PALD1: variants seen among roughly 807,000 people sequenced by gnomAD.
PALD1 encodes paladin.
Under a neutral mutation model 96.0 loss-of-function variants are expected in PALD1, and 57 were observed. The observed-to-expected ratio is 0.59, with a 90% CI of 0.48 to 0.74. PALD1 has a LOEUF of 0.74. Ranked by LOEUF, PALD1 falls within the 30% of genes least tolerant of loss-of-function variation. The pLI is 0.00. For synonymous variants in PALD1, 464 were observed against 473.6 expected (o/e 0.98, Z 0.26); for missense variants, 1,063 against 1,143.7 (o/e 0.93, Z 1.02).
rs1846436649 is a variant in PALD1 at position 70,508,378 on chromosome 10, G to C, written c.-29-17545G>C. 2.0e-5 allele frequency among the ~76,000 whole-genome samples: 3 copies of C among 152,196 alleles called. 1 individual carries two copies. The highest frequency in any genetic ancestry group is 4.1e-4 in the South Asian group (2 of 4,832). ...ATGGTGCCCATTCTAGGGACTGTGA[G>C]GAGGTGCACTGGCTGGAGTTTAGGG... On this transcript the variant is annotated intron_variant, in intron 1 of 19. Coordinates refer to ENST00000263563, the MANE Select transcript of PALD1 (RefSeq NM_014431.3).
At chr10:70,533,657 A>G (rs1847044959) in intron 7 of PALD1, among the ~76,000 whole-genome samples, 3 of 152,196 alleles carry the variant, frequency 2.0e-5, no homozygotes, top group Admixed American at 2.0e-4. Context: ...TTTCACTGGC[A>G]TCTTGCAGAA....
chr10:70,470,783 A>G, the PALD1 span, among the ~76,000 whole-genome samples: 2 of 149,076 alleles, frequency 1.3e-5, no homozygotes, highest in East Asian at 3.9e-4. Context: ...AAATTTTTGT[A>G]TTTTTATTTT....
At chr10:70,487,891 CT>C (rs1727385523) in intron 1 of PALD1, among the ~76,000 whole-genome samples, 1 of 152,226 alleles carries the variant, frequency 6.6e-6, no homozygotes. Context: ...CCACTCCCAC[CT>C]TGGGCCCAGG....
chr10:70,567,137 C>T lies in PALD1; in HGVS notation c.*404C>T, dbSNP rs1043665379. The T allele has an allele frequency of 1.8e-4, 32 of 179,096 alleles. No individual in the cohort carries two copies. Among genetic ancestry groups the T allele is most frequent in the Non-Finnish European group, 8.1e-5 (7 of 86,478 alleles). The allele number at this position is 179,096 out of a possible 1,614,324, so 11.1% of individuals were successfully genotyped here. ...GGCAGCCCCTGGCACAGAGCAGACC[C>T]GGCCACTGGTAGCTCCCCACTTCCT... On this transcript the variant is annotated 3_prime_UTR_variant, in exon 20 of 20. Coordinates refer to ENST00000263563, the MANE Select transcript of PALD1 (RefSeq NM_014431.3).
At position 70,529,241 on chromosome 10, in the gene PALD1, G is replaced by A. The variant is rs552462647; in HGVS notation, c.198G>A (p.Lys66=). 2 of 1,150,610 alleles carry A rather than the reference G, an allele frequency of 1.7e-6. No individual in the cohort carries two copies. Among genetic ancestry groups the A allele is most frequent in the Admixed American group, 2.1e-5 (1 of 48,298 alleles). The allele number at this position is 1,150,610 out of a possible 1,614,324, so 71.3% of individuals were successfully genotyped here. A position where few individuals can be genotyped will look rare whatever the true frequency, so the allele number is the denominator to read the frequency against. Residue 66 remains lysine (K), a synonymous_variant, in exon 3 of 20, where the codon AAG becomes AAA. Coordinates refer to ENST00000263563, the MANE Select transcript of PALD1 (RefSeq NM_014431.3). ...VAPVVITYNC[K]EEFQIHDELL... is the part of the protein sequence containing the mutation. The stretch of plus-strand genomic sequence containing the variant: ...CCCCCCCCCCCAGGTACAACTGCAA[G>A]GAGGAGTTCCAGATCCATGATGAGC...
At chr10:70,520,934 C>G (rs186696125) in intron 1 of PALD1, among the ~76,000 whole-genome samples, 2 of 152,198 alleles carry the variant, frequency 1.3e-5, no homozygotes, top group East Asian at 1.9e-4. Context: ...TTAGATGATC[C>G]GCCCGCCTCA....
chr10:70,565,842 A>C (rs938522085), intron 19 of PALD1, among the ~76,000 whole-genome samples: 1 of 151,964 alleles, frequency 6.6e-6, no homozygotes, highest in African/African-American at 2.4e-5. Context: ...GGAGAGCAGA[A>C]GTTGGGGGAG....
At position 70,539,707 on chromosome 10, in the gene PALD1, C is replaced by G; in HGVS notation, c.1853C>G (p.Pro618Arg). 1 of 1,613,560 alleles carries G rather than the reference C, an allele frequency of 6.2e-7. No homozygotes were observed. Among genetic ancestry groups the G allele is most frequent in the South Asian group, 1.1e-5 (1 of 91,046 alleles). ...TTCAGCCAGCACCGCAGGGCCTGTCCTGGCCTCACCTACCACCGCATCCCC... is the reference window on the plus strand; with the variant it reads ...TTCAGCCAGCACCGCAGGGCCTGTCGTGGCCTCACCTACCACCGCATCCCC... ...EVFSQHRRAC[P>R]GLTYHRIPMP... The change falls in exon 15 of 20, where the codon CCT (proline) becomes CGT (arginine). Residue 618 changes from proline to arginine, a missense_variant. Transcript: ENST00000263563. This position sits in a 1 kb window ranked among gnomAD's most constrained non-coding sequence, Gnocchi z 4.5.
intron 1 of PALD1, among the ~76,000 whole-genome samples, chr10:70,501,832 T>TGCGCGC (rs1554854856): frequency 7.3e-6 from 1 of 137,710 alleles, no homozygotes; most frequent in African/African-American, 2.5e-5. Flanking sequence ...TGTGTGTGTG[T>TGCGCGC]GTGCGTGCGT....
chr10:70,513,586 TTC>T (rs968404074), intron 1 of PALD1, among the ~76,000 whole-genome samples: 7 of 152,146 alleles, frequency 4.6e-5, no homozygotes, highest in Admixed American at 3.3e-4. Context: ...TTCCATTTAC[TTC>T]TCTCTCTAAA....
chr10:70,534,085 G>C lies in PALD1; in HGVS notation c.1022+12G>C. On this transcript the variant is annotated intron_variant, in intron 8 of 19. Coordinates refer to ENST00000263563, the MANE Select transcript of PALD1 (RefSeq NM_014431.3). Reference sequence around the variant, plus strand: ...ACCTCCCAGCCAGAGTGAGTGGCCCGGGGCCCAGCGTCCTGAAGGGCTGTG... The same window carrying C: ...ACCTCCCAGCCAGAGTGAGTGGCCCCGGGCCCAGCGTCCTGAAGGGCTGTG... 1.3e-6 allele frequency: 2 copies of C among 1,581,472 alleles called. No homozygotes were observed. Among genetic ancestry groups the C allele is most frequent in the Non-Finnish European group, 1.7e-6 (2 of 1,161,108 alleles).
rs557136012 is a variant in PALD1, at chr10:70,562,077, A to G, written c.2263-2287A>G. ...GATTAGTGAGCTTTCTGTGGTGCACACGTGCCTTCTCATCCCTCACTTTGC... is the reference window on the plus strand; with the variant it reads ...GATTAGTGAGCTTTCTGTGGTGCACGCGTGCCTTCTCATCCCTCACTTTGC... On this transcript the variant is annotated intron_variant, in intron 18 of 19. Transcript: ENST00000263563. Among the ~76,000 whole-genome samples, 21 of 152,316 alleles carry G rather than the reference A, an allele frequency of 1.4e-4. No homozygotes were observed. The East Asian group carries it at 4.1e-3, about 29-fold the overall frequency.
At chr10:70,516,385 C>T (rs1024965327) in intron 1 of PALD1, among the ~76,000 whole-genome samples, 5 of 152,226 alleles carry the variant, frequency 3.3e-5, no homozygotes, top group Non-Finnish European at 7.3e-5. Flanking sequence ...CCGCCCACCT[C>T]AGCCTCTTAC....
intron 1 of PALD1, among the ~76,000 whole-genome samples, chr10:70,498,022 C>T (rs1214799501): frequency 6.6e-6 from 1 of 152,110 alleles, no homozygotes; most frequent in Non-Finnish European, 1.5e-5. Context: ...CACCATCCAG[C>T]CCCAGAACTT....
intron 1 of PALD1, among the ~76,000 whole-genome samples, chr10:70,524,076 G>A (rs887876796): frequency 6.6e-6 from 1 of 152,176 alleles, no homozygotes; most frequent in African/African-American, 2.4e-5. Context: ...TGGGAGGGCT[G>A]GGGGGAGTGT....
chr10:70,539,695 G>A lies in PALD1; in HGVS notation c.1841G>A (p.Arg614His), dbSNP rs778660652. 1.4e-5 allele frequency: 23 copies of A among 1,613,510 alleles called. No individual in the cohort carries two copies. The highest frequency in any genetic ancestry group is 2.7e-5 in the African/African-American group (2 of 74,836). ...LTMQEVFSQH[R>H]RACPGLTYHR... ...ATGCAGGAGGTCTTCAGCCAGCACC[G>A]CAGGGCCTGTCCTGGCCTCACCTAC... The change falls in exon 15 of 20, where the codon CGC (arginine) becomes CAC (histidine). Residue 614 changes from arginine to histidine, a missense_variant. Coordinates refer to ENST00000263563, the MANE Select transcript of PALD1 (RefSeq NM_014431.3). This position sits in a 1 kb window ranked among gnomAD's most constrained non-coding sequence, Gnocchi z 4.5.
intron 1 of PALD1, among the ~76,000 whole-genome samples, chr10:70,519,447 G>T (rs1016033557): frequency 1.7e-4 from 26 of 152,004 alleles, no homozygotes; most frequent in African/African-American, 6.3e-4. Flanking sequence ...CAGCTCTCTG[G>T]GGTCCCTATT....
intron 1 of PALD1, among the ~76,000 whole-genome samples, chr10:70,488,759 G>A (rs1418105838): frequency 6.6e-6 from 1 of 152,140 alleles, no homozygotes; most frequent in African/African-American, 2.4e-5. Flanking sequence ...AAGTCTTCCT[G>A]GAGGTGGTTA....
intron 11 of PALD1, 108 bp downstream of exon 11, chr10:70,538,014 G>C: frequency 1.1e-6 from 1 of 877,868 alleles, no homozygotes; most frequent in Non-Finnish European, 1.8e-6. Context: ...AGGAACCGGG[G>C]AGGGAAGGGA....
Sources: gnomAD v4.1 joint callset for allele counts (sites outside exome capture counted in the v4.1 genomes callset) on GRCh38, gnomAD v4.1.1 for gene constraint, Gnocchi (gnomAD v3.1) non-coding constraint, MANE v1.5 for transcripts, NCBI Gene and HGNC (gene_info 2026-07-23, HGNC 2026-07-21) for gene names.